ANKRD12: variants seen among roughly 807,000 people sequenced by gnomAD.
ANKRD12 encodes the protein ankyrin repeat domain 12.
A neutral mutation model predicts 183.4 loss-of-function variants in ANKRD12; 85 were observed. That is an observed-to-expected ratio of 0.46 (90% CI 0.39 to 0.56). The LOEUF (loss-of-function observed/expected upper bound fraction) is 0.56. Among genes scored for constraint, ANKRD12 ranks in the 20% least tolerant of loss-of-function variants. The probability of loss-of-function intolerance (pLI) is 0.00; values close to 1 mark genes in which losing one functional copy is unlikely to be tolerated. For missense variants in ANKRD12, 2,405 were observed against 2,357.1 expected (o/e 1.02, Z -0.42); for synonymous variants, 914 against 800.2 (o/e 1.14, Z -2.40).
chr18:9,182,500 A>AGCATATTG lies in ANKRD12; in HGVS notation c.69_70insCATATTGG (p.Lys24HisfsTer28). 1 of 1,608,396 alleles carries AGCATATTG rather than the reference A, an allele frequency of 6.2e-7. No individual in the cohort carries two copies. The highest frequency in any genetic ancestry group is 1.1e-5 in the South Asian group (1 of 90,290). ...TCTGACAGTGACAGCAATATGGTAG[A>AGCATATTG]GAAACCATATGGAAGAAAGGTATAT... On this transcript the variant is annotated frameshift_variant, in exon 2 of 13. Transcript: ENST00000262126. LOFTEE classifies it high-confidence loss of function.
chr18:9,205,743 A>G (rs1434341069), intron 4 of ANKRD12, among the ~76,000 whole-genome samples: 4 of 152,106 alleles, frequency 2.6e-5, no homozygotes, highest in Admixed American at 2.6e-4. Context: ...AGTAATGGCA[A>G]ATTTTTTTTT....
At chr18:9,192,695 CT>C (rs950843370) in intron 2 of ANKRD12, among the ~76,000 whole-genome samples, 8 of 126,794 alleles carry the variant, frequency 6.3e-5, no homozygotes, top group East Asian at 2.5e-4. Context: ...ATGGATTTAT[CT>C]TTTTTTTTCC....
intron 1 of ANKRD12, among the ~76,000 whole-genome samples, chr18:9,143,572 T>G (rs2078393320): frequency 1.3e-5 from 2 of 152,214 alleles, no homozygotes; most frequent in African/African-American, 4.8e-5. Context: ...GCGATTCTCC[T>G]GCCCCAGCTC....
At chr18:9,167,778 G>A (rs562734405) in intron 1 of ANKRD12, among the ~76,000 whole-genome samples, 8 of 152,168 alleles carry the variant, frequency 5.3e-5, no homozygotes, top group African/African-American at 1.7e-4. Context: ...GTGAGGGAGG[G>A]CATCTCTGTC....
intron 2 of ANKRD12, among the ~76,000 whole-genome samples, chr18:9,184,522 A>G (rs1369158175): frequency 6.6e-6 from 1 of 151,978 alleles, no homozygotes; most frequent in Non-Finnish European, 1.5e-5. Flanking sequence ...CCTCCTGAGT[A>G]GCTGAGACCG....
At chr18:9,271,217 A>G (rs1260169352) in intron 10 of ANKRD12, among the ~76,000 whole-genome samples, 1 of 152,116 alleles carries the variant, frequency 6.6e-6, no homozygotes, top group Non-Finnish European at 1.5e-5. Flanking sequence ...GACTACAAGC[A>G]TGCACCACTA....
At chr18:9,170,055 G>T (rs1417646637) in intron 1 of ANKRD12, among the ~76,000 whole-genome samples, 14 of 152,212 alleles carry the variant, frequency 9.2e-5, no homozygotes. Context: ...CTCTCTTCCG[G>T]CTTGTAGAGT....
At chr18:9,231,938 TCA>T (rs1490517996) in intron 8 of ANKRD12, among the ~76,000 whole-genome samples, 1 of 152,178 alleles carries the variant, frequency 6.6e-6, no homozygotes, top group Non-Finnish European at 1.5e-5. Context: ...GTATGTGTCC[TCA>T]CAGGTAAAAT....
chr18:9,205,403 T>G (rs1212566587), intron 4 of ANKRD12, among the ~76,000 whole-genome samples: 1 of 152,244 alleles, frequency 6.6e-6, no homozygotes, highest in South Asian at 2.1e-4. Flanking sequence ...TAAACCTGTT[T>G]TATACACTTT....
intron 2 of ANKRD12, among the ~76,000 whole-genome samples, chr18:9,193,675 C>A (rs1355237459): frequency 1.3e-5 from 2 of 152,110 alleles, no homozygotes; most frequent in African/African-American, 4.8e-5. Context: ...CTCCTCATCC[C>A]TCCTTTATTT....
chr18:9,201,387 T>C (rs887235424), intron 3 of ANKRD12, among the ~76,000 whole-genome samples: 2 of 152,240 alleles, frequency 1.3e-5, no homozygotes, highest in Admixed American at 1.3e-4. Context: ...GTCTTGAGGC[T>C]ACATGTGAGA....
At chr18:9,268,887 C>G (rs1376905621) in intron 10 of ANKRD12, among the ~76,000 whole-genome samples, 1 of 152,138 alleles carries the variant, frequency 6.6e-6, no homozygotes, top group Non-Finnish European at 1.5e-5. Flanking sequence ...CGTCTCAGCC[C>G]CAAATCTCCT....
rs919232427 is a variant in ANKRD12, at chr18:9,198,697, C to T, written c.235+2999C>T. 6.6e-5 allele frequency among the ~76,000 whole-genome samples: 10 copies of T among 152,110 alleles called. 1 individual carries two copies. In the East Asian group the frequency reaches 1.9e-3, roughly 29 times the overall value. On this transcript the variant is annotated intron_variant, in intron 3 of 12. Transcript: ENST00000262126. ...TCCGAGTAGCTGGGATTACAGGCGC[C>T]TGCCACGATGCCTGGCTAATTTTCA...
At chr18:9,173,599 C>G (rs2032954218) in intron 1 of ANKRD12, among the ~76,000 whole-genome samples, 1 of 124,698 alleles carries the variant, frequency 8.0e-6, no homozygotes, top group Non-Finnish European at 1.7e-5. Flanking sequence ...CTTGGGAGCT[C>G]CATCCCGGTG....
chr18:9,255,597 T>C lies in ANKRD12; in HGVS notation c.2330T>C (p.Ile777Thr). 1 of 1,568,748 alleles carries C rather than the reference T, an allele frequency of 6.4e-7. No individual in the cohort carries two copies. The highest frequency in any genetic ancestry group is 1.4e-5 in the African/African-American group (1 of 72,134). Residue 777 changes from isoleucine to threonine, a missense_variant, in exon 9 of 13, where the codon ATA becomes ACA. By Grantham distance (89) the Ile-to-Thr change is moderately conservative. Transcript: ENST00000262126. ...GATCTAAAAGAAGAGAGAGAAAACA[T>C]ACCCACAGATAAAGACTCAGAATTT... ...IKDLKEEREN[I>T]PTDKDSEFTS... is the part of the protein sequence containing the mutation.
At chr18:9,168,618 T>G (rs1354426513) in intron 1 of ANKRD12, among the ~76,000 whole-genome samples, 1 of 152,188 alleles carries the variant, frequency 6.6e-6, no homozygotes, top group African/African-American at 2.4e-5. Context: ...CTTTTCTTCT[T>G]TATTAGTCTT....
intron 8 of ANKRD12, among the ~76,000 whole-genome samples, chr18:9,250,614 G>A: frequency 6.6e-6 from 1 of 152,098 alleles, no homozygotes. Flanking sequence ...AGCTACTGGG[G>A]AGGTTGAGGC....
At chr18:9,242,712 G>C (rs1019213455) in intron 8 of ANKRD12, among the ~76,000 whole-genome samples, 1 of 152,136 alleles carries the variant, frequency 6.6e-6, no homozygotes, top group African/African-American at 2.4e-5. Flanking sequence ...GTAGAAAGAC[G>C]TATGATTGAG....
At chr18:9,215,614 G>C (rs1452872899) in intron 6 of ANKRD12, among the ~76,000 whole-genome samples, 4 of 152,096 alleles carry the variant, frequency 2.6e-5, no homozygotes, top group African/African-American at 9.7e-5. Context: ...GATTGTCAAC[G>C]CTGTAGAAGA....
Sources: gnomAD v4.1 joint callset for allele counts (sites outside exome capture counted in the v4.1 genomes callset) on GRCh38, gnomAD v4.1.1 for gene constraint, MANE v1.5 for transcripts, NCBI Gene and HGNC (gene_info 2026-07-23, HGNC 2026-07-21) for gene names.